The following ATP8B4 variants were observed in gnomAD, a reference collection of about 807,000 sequenced individuals.
ATP8B4 encodes probable phospholipid-transporting ATPase IM.
A neutral mutation model predicts 145.6 loss-of-function variants in ATP8B4; 133 were observed. The ratio of observed to expected loss-of-function variants is 0.91; its 90% CI spans 0.79 to 1.05. The LOEUF is 1.05. Ranked by LOEUF, ATP8B4 falls within the 50% of genes least tolerant of loss-of-function variation. ATP8B4 has a pLI of 0.00. For synonymous variants in ATP8B4, 507 were observed against 492.9 expected (o/e 1.03, Z -0.38); for missense variants, 1,458 against 1,425.2 (o/e 1.02, Z -0.37).
chr15:50,023,081 C>T (rs1005214837), intron 6 of ATP8B4, among the ~76,000 whole-genome samples: 2 of 152,160 alleles, frequency 1.3e-5, no homozygotes, highest in Non-Finnish European at 2.9e-5. Context: ...ATGTGCTCCA[C>T]CCAGCTCCAG....
intron 12 of ATP8B4, among the ~76,000 whole-genome samples, chr15:49,973,985 G>C (rs1182977783): frequency 6.6e-6 from 1 of 151,538 alleles, no homozygotes; most frequent in Non-Finnish European, 1.5e-5. Flanking sequence ...TCTGATATCA[G>C]TGTATTTATT....
At position 49,877,642 on chromosome 15, in the gene ATP8B4, C is replaced by T. The variant is rs577470850; in HGVS notation, c.2782-1119G>A. ...CAGTCATGAGCTCAATCCCTGGTAA[C>T]GGGTTTAGCTGGTGTGTTATCTTAA... On this transcript the variant is annotated intron_variant, in intron 24 of 27. Transcript: ENST00000284509. 3.3e-5 allele frequency among the ~76,000 whole-genome samples: 5 copies of T among 152,222 alleles called. No individual in the cohort carries two copies. The East Asian group carries it at 7.7e-4, about 24-fold the overall frequency.
At chr15:49,942,174 C>T (rs1269034618) in intron 14 of ATP8B4, among the ~76,000 whole-genome samples, 3 of 151,856 alleles carry the variant, frequency 2.0e-5, no homozygotes, top group Non-Finnish European at 4.4e-5. Flanking sequence ...ACCACTTGTA[C>T]CCCAAATGCT....
chr15:50,013,592 C>T (rs1333649406), intron 6 of ATP8B4, among the ~76,000 whole-genome samples: 1 of 151,802 alleles, frequency 6.6e-6, no homozygotes, highest in Non-Finnish European at 1.5e-5. Context: ...AATAAGATAG[C>T]CTTTACCTTA....
intron 20 of ATP8B4, among the ~76,000 whole-genome samples, chr15:49,910,354 A>T (rs908650080): frequency 3.9e-5 from 6 of 152,242 alleles, no homozygotes; most frequent in Non-Finnish European, 7.3e-5. Context: ...GCGAGACAAC[A>T]TAAAGCAACC....
intron 24 of ATP8B4, 46 bp downstream of exon 24, chr15:49,879,330 A>G (rs749534845): frequency 1.3e-6 from 2 of 1,511,372 alleles, no homozygotes; most frequent in Non-Finnish European, 1.8e-6. Context: ...AAAAACTAAA[A>G]GGCATAAAAG....
intron 2 of ATP8B4, among the ~76,000 whole-genome samples, chr15:50,078,721 G>A (rs1186269662): frequency 6.6e-6 from 1 of 151,830 alleles, no homozygotes; most frequent in African/African-American, 2.4e-5. Context: ...AAAATTTTGA[G>A]CTCCAAGGAC....
At chr15:49,964,702 C>G (rs1256876956) in intron 13 of ATP8B4, among the ~76,000 whole-genome samples, 1 of 152,138 alleles carries the variant, frequency 6.6e-6, no homozygotes, top group Non-Finnish European at 1.5e-5. Context: ...AGAGGAATTA[C>G]AAGCTATCAT....
intron 12 of ATP8B4, 31 bp downstream of exon 12, chr15:49,979,586 T>A: frequency 2.2e-6 from 3 of 1,383,488 alleles, no homozygotes; most frequent in Non-Finnish European, 2.9e-6. Context: ...TTGATGAAAT[T>A]ATTTCATTAA....
intron 23 of ATP8B4, among the ~76,000 whole-genome samples, chr15:49,886,726 C>T (rs1425578262): frequency 6.6e-6 from 1 of 152,166 alleles, no homozygotes; most frequent in African/African-American, 2.4e-5. Context: ...GAGTCCTTTA[C>T]CTTAGAAACC....
In ATP8B4 at chr15:49,987,506, G is replaced by T; in HGVS notation, c.633C>A (p.Phe211Leu). Residue 211 changes from phenylalanine (F) to leucine (L), a missense_variant, in exon 10 of 28, where the codon TTC (phenylalanine) becomes TTA (leucine). By Grantham distance (22) the Phe-to-Leu change is conservative. Coordinates refer to ENST00000284509, the MANE Select transcript of ATP8B4 (RefSeq NM_024837.4). ...TGTCTTTCCAAGAAAGGATTCCCAT[G>T]AATTTATCTAACTTGTTGTTAGGCA... ...CEVPNNKLDK[F>L]MGILSWKDSK... 6.2e-7 allele frequency: 1 copy of T among 1,613,726 alleles called. No homozygotes were observed. Among genetic ancestry groups the T allele is most frequent in the Non-Finnish European group, 8.5e-7 (1 of 1,179,772 alleles).
At chr15:49,920,445 A>C in intron 17 of ATP8B4, 35 bp from the exon 18 acceptor site, 1 of 1,563,016 alleles carries the variant, frequency 6.4e-7, no homozygotes, top group Non-Finnish European at 8.6e-7. Flanking sequence ...GAACCATCAA[A>C]GAAACAATAA....
chr15:49,920,271 T>C lies in ATP8B4; in HGVS notation c.1898A>G (p.Tyr633Cys), dbSNP rs748120921. Residue 633 changes from tyrosine (Y) to cysteine (C), a missense_variant, in exon 18 of 28, where the codon TAT becomes TGT. Physicochemically the swap from Tyr to Cys is radical, Grantham distance 194. Transcript: ENST00000284509. ...EERDERIAGL[Y>C]EEIERDLMLL... is the part of the protein sequence containing the mutation. ...CATCAAATCTCTTTCAATTTCTTCATATAGCCCAGCTATTCGTTCATCCCT... is the reference window on the plus strand; with the variant it reads ...CATCAAATCTCTTTCAATTTCTTCACATAGCCCAGCTATTCGTTCATCCCT... 8.7e-6 allele frequency: 14 copies of C among 1,614,084 alleles called. No individual in the cohort carries two copies. The highest frequency in any genetic ancestry group is 4.0e-5 in the African/African-American group (3 of 74,932).
intron 23 of ATP8B4, among the ~76,000 whole-genome samples, chr15:49,893,794 GT>G (rs1424020717): frequency 6.6e-6 from 1 of 152,116 alleles, no homozygotes; most frequent in Non-Finnish European, 1.5e-5. Context: ...AATTTTATGT[GT>G]TTTTTACCAT....
chr15:50,071,207 G>C (rs1212817904), intron 3 of ATP8B4, among the ~76,000 whole-genome samples: 2 of 152,130 alleles, frequency 1.3e-5, no homozygotes, highest in Admixed American at 6.5e-5. Context: ...AGAAAATCAT[G>C]TCTATATCAT....
intron 23 of ATP8B4, among the ~76,000 whole-genome samples, chr15:49,894,046 T>TC (rs1298188634): frequency 3.9e-5 from 6 of 152,200 alleles, no homozygotes; most frequent in African/African-American, 1.4e-4. Context: ...TGACTGGCTG[T>TC]CCTCTCCTCT....
In ATP8B4 at chr15:50,153,994, G is replaced by T. The variant is rs1158998572; in HGVS notation, c.-43+28267C>A. 2.6e-5 allele frequency among the ~76,000 whole-genome samples: 4 copies of T among 152,106 alleles called. No individual in the cohort carries two copies. The South Asian group carries it at 6.2e-4, about 24-fold the overall frequency. On this transcript the variant is annotated intron_variant, in intron 1 of 3. Coordinates refer to the ATP8B4 transcript ENST00000558829. ...GGACCAAATTTTTAGTTTTATATTA[G>T]TGTATTTTTAATATCCAAGCTCAAT...
intron 1 of ATP8B4, among the ~76,000 whole-genome samples, chr15:50,155,556 A>G (rs1363823112): frequency 2.0e-5 from 3 of 152,150 alleles, no homozygotes; most frequent in Non-Finnish European, 4.4e-5. Context: ...CACATGAACT[A>G]AAAGGTATTT....
chr15:50,019,039 G>A (rs1240945942), intron 6 of ATP8B4: 23 of 845,512 alleles, frequency 2.7e-5, no homozygotes, highest in East Asian at 6.5e-5. Flanking sequence ...AATCTTGATC[G>A]GTCATTTAAA....
Sources: gnomAD v4.1 joint callset for allele counts (sites outside exome capture counted in the v4.1 genomes callset) on GRCh38, gnomAD v4.1.1 for gene constraint, MANE v1.5 for transcripts, NCBI Gene and HGNC (gene_info 2026-07-23, HGNC 2026-07-21) for gene names.